SENP5: variants seen among roughly 807,000 people sequenced by gnomAD.
SENP5 encodes SUMO specific peptidase 5.
Under a neutral mutation model 74.2 loss-of-function variants are expected in SENP5, and 21 were observed. The observed-to-expected ratio is 0.28, with a 90% confidence interval of 0.20 to 0.41. The LOEUF is 0.41. Ranked by LOEUF, SENP5 falls within the 10% of genes least tolerant of loss-of-function variation. SENP5 has a pLI of 1.00. For missense variants in SENP5, 717 were observed against 889.1 expected (o/e 0.81, Z 2.46); for synonymous variants, 311 against 312.7 (o/e 0.99, Z 0.06).
intron 1 of SENP5, among the ~76,000 whole-genome samples, chr3:196,881,697 T>TGA (rs1713731605): frequency 1.3e-5 from 2 of 152,106 alleles, no homozygotes; most frequent in African/African-American, 4.8e-5. Context: ...TTTTTCTAAT[T>TGA]TATCAGCTGT....
chr3:196,890,098 T>A (rs1310293331), intron 2 of SENP5, among the ~76,000 whole-genome samples: 1 of 152,182 alleles, frequency 6.6e-6, no homozygotes, highest in Non-Finnish European at 1.5e-5. Flanking sequence ...TGAAAATAGT[T>A]CAAGGCAGAG....
At chr3:196,916,404 TGACA>T (rs932585686) in intron 6 of SENP5, among the ~76,000 whole-genome samples, 2 of 152,122 alleles carry the variant, frequency 1.3e-5, no homozygotes, top group African/African-American at 4.8e-5. Flanking sequence ...AATCTCATAG[TGACA>T]GAGATATGCA....
chr3:196,889,175 TAC>T (rs1237161107), intron 2 of SENP5, among the ~76,000 whole-genome samples: 1 of 151,268 alleles, frequency 6.6e-6, no homozygotes. Flanking sequence ...AGACACAAAG[TAC>T]AGAGTCCTAG....
At chr3:196,893,730 T>C (rs1577811727) in intron 2 of SENP5, among the ~76,000 whole-genome samples, 1 of 151,838 alleles carries the variant, frequency 6.6e-6, no homozygotes, top group Admixed American at 6.6e-5. Context: ...ACCAATATGG[T>C]GAAACTCCGT....
chr3:196,919,436 G>A (rs138570265), intron 6 of SENP5, among the ~76,000 whole-genome samples: 1,669 of 152,248 alleles, frequency 0.011, 21 homozygotes, highest in African/African-American at 0.032. Context: ...AGCCAAGATT[G>A]CACCACTGCA....
chr3:196,910,509 G>A (rs1715079587), intron 6 of SENP5, among the ~76,000 whole-genome samples: 1 of 151,560 alleles, frequency 6.6e-6, no homozygotes, highest in Non-Finnish European at 1.5e-5. Context: ...ACCATGCCCA[G>A]CTAATTTTTT....
At chr3:196,890,998 C>A (rs150378045) in intron 2 of SENP5, among the ~76,000 whole-genome samples, 3 of 152,090 alleles carry the variant, frequency 2.0e-5, no homozygotes, top group Admixed American at 2.0e-4. Flanking sequence ...AATGTGTACA[C>A]GAATGCTTGT....
At chr3:196,868,771 T>A (rs1221918721) in intron 1 of SENP5, among the ~76,000 whole-genome samples, 1 of 152,212 alleles carries the variant, frequency 6.6e-6, no homozygotes, top group Non-Finnish European at 1.5e-5. Flanking sequence ...TAAATTATAA[T>A]GTTTGGAGAA....
intron 9 of SENP5, 136 bp downstream of exon 9, chr3:196,929,819 G>T (rs1715958687): frequency 1.5e-6 from 1 of 666,906 alleles, no homozygotes; most frequent in Non-Finnish European, 2.7e-6. Context: ...CCCCTTTATT[G>T]CTGAGGAGCA....
At chr3:196,926,271 C>G (rs1431646480) in intron 7 of SENP5, among the ~76,000 whole-genome samples, 1 of 152,046 alleles carries the variant, frequency 6.6e-6, no homozygotes, top group Non-Finnish European at 1.5e-5. Context: ...ATCAGAAGGT[C>G]AAGAGATAGA....
In SENP5 at chr3:196,885,403, A is replaced by G. The variant is rs1215603156; in HGVS notation, c.222A>G (p.Glu74=). The G allele has an allele frequency of 1.9e-6, 3 of 1,614,100 alleles. No individual in the cohort carries two copies. The highest frequency in any genetic ancestry group is 1.6e-4 in the Middle Eastern group (1 of 6,062). The change falls in exon 2 of 10, where the codon GAA becomes GAG. Residue 74 remains glutamate (E), a synonymous_variant. Coordinates refer to ENST00000323460, the MANE Select transcript of SENP5 (RefSeq NM_152699.5). ...TCCAGAAAACGTGGATCAAGGATGAACCCCTTTGTGCTAAGACCAAGTTCA... is the reference window on the plus strand; with the variant it reads ...TCCAGAAAACGTGGATCAAGGATGAGCCCCTTTGTGCTAAGACCAAGTTCA... ...LQIQKTWIKD[E]PLCAKTKFNV... is the part of the protein sequence containing the mutation.
At chr3:196,895,278 G>A (rs1482104320) in intron 2 of SENP5, among the ~76,000 whole-genome samples, 8 of 145,506 alleles carry the variant, frequency 5.5e-5, no homozygotes, top group Non-Finnish European at 1.0e-4. Context: ...TGCAAGCTCC[G>A]CCTCCCATGT....
At chr3:196,897,659 A>G (rs1714500770) in intron 2 of SENP5, among the ~76,000 whole-genome samples, 2 of 152,242 alleles carry the variant, frequency 1.3e-5, no homozygotes, top group African/African-American at 4.8e-5. Context: ...ATATCAATGC[A>G]TGGCAGAGGC....
intron 7 of SENP5, among the ~76,000 whole-genome samples, chr3:196,923,958 G>T (rs1344206593): frequency 6.6e-6 from 1 of 152,082 alleles, no homozygotes; most frequent in Non-Finnish European, 1.5e-5. Context: ...ACAAAATCAA[G>T]AAAAATGAGT....
chr3:196,878,189 G>A (rs151132689), intron 1 of SENP5, among the ~76,000 whole-genome samples: 1,668 of 152,294 alleles, frequency 0.011, 21 homozygotes, highest in African/African-American at 0.032. Flanking sequence ...GTCATGTTAT[G>A]TTACCAAACC....
chr3:196,930,086 G>GCTGT (rs749879834), intron 9 of SENP5, among the ~76,000 whole-genome samples: 66 of 152,086 alleles, frequency 4.3e-4, no homozygotes, highest in Non-Finnish European at 7.9e-4. Flanking sequence ...GCCATCTTGT[G>GCTGT]CTGTAGATCT....
chr3:196,911,003 A>G (rs567069982), intron 6 of SENP5, among the ~76,000 whole-genome samples: 38 of 152,304 alleles, frequency 2.5e-4, no homozygotes, highest in Non-Finnish European at 5.1e-4. Flanking sequence ...TGCTGGGAAA[A>G]CTGGCTAGCC....
At chr3:196,921,401 G>A (rs1715615166) in intron 6 of SENP5, among the ~76,000 whole-genome samples, 1 of 152,124 alleles carries the variant, frequency 6.6e-6, no homozygotes, top group South Asian at 2.1e-4. Flanking sequence ...GAGTTACTCA[G>A]CCTGTATAAA....
At position 196,899,710 on chromosome 3, in the gene SENP5, C is replaced by G; in HGVS notation, c.1558C>G (p.Leu520Val). Residue 520 changes from leucine (L) to valine (V), a missense_variant, in exon 3 of 10, where the codon CTC becomes GTC. Leu to Val is a conservative substitution (Grantham distance 32). This residue lies in a region of SENP5 where 64 missense variants were observed against 100.8 expected (regional missense o/e 0.64). Transcript: ENST00000323460. ...GAAGAAGTATGGCAGTTTGGTTCCA[C>G]TCAGTGAAAAAGAAGTCCTTGGAAG... ...VMKKYGSLVP[L>V]SEKEVLGRLK... is the part of the protein sequence containing the mutation. The G allele has an allele frequency of 6.2e-7, 1 of 1,611,284 alleles. No homozygotes were observed. The highest frequency in any genetic ancestry group is 1.3e-5 in the African/African-American group (1 of 74,926).
Sources: allele counts gnomAD v4.1 joint callset (sites outside exome capture counted in the v4.1 genomes callset), GRCh38; gene constraint gnomAD v4.1.1; regional missense constraint gnomAD v4.1.1; transcripts MANE v1.5; gene names NCBI Gene and HGNC (gene_info 2026-07-23, HGNC 2026-07-21).